PHKA1: variants seen among roughly 807,000 people sequenced by gnomAD.
The protein encoded by PHKA1 is phosphorylase kinase regulatory subunit alpha 1.
PHKA1 carries 60 observed loss-of-function variants against 110.2 expected under a neutral mutation model. The observed-to-expected ratio is 0.54, with a 90% CI of 0.44 to 0.68. PHKA1 has a LOEUF of 0.68. Ranked by LOEUF, PHKA1 falls within the 30% of genes least tolerant of loss-of-function variation. PHKA1 has a pLI of 0.00. For synonymous variants in PHKA1, 316 were observed against 333.6 expected, an observed-to-expected ratio of 0.95 and a Z score of 0.58; for missense variants, 801 against 942.5, an observed-to-expected ratio of 0.85 and a Z score of 1.97.
chrX:72,601,756 A>G (rs1373492631), intron 28 of PHKA1, among the ~76,000 whole-genome samples: 3 of 111,568 alleles, frequency 2.7e-5, no homozygotes, highest in African/African-American at 9.8e-5. Flanking sequence ...CATCAGTCCT[A>G]ATAAGAGAAA....
rs1321643883 is a variant in PHKA1 at position 72,708,292 on chromosome X, T to C, written c.238-3047A>G. On this transcript the variant is annotated intron_variant, in intron 2 of 31. Coordinates refer to ENST00000373542, the MANE Select transcript of PHKA1 (RefSeq NM_002637.4). ...TGTGAGAATAAAATACTGGTAATTATGGGGAAGTGTGTTGTACAATGGAAA... is the reference window on the plus strand; with the variant it reads ...TGTGAGAATAAAATACTGGTAATTACGGGGAAGTGTGTTGTACAATGGAAA... Among the ~76,000 whole-genome samples, 9 of 111,587 alleles carry C rather than the reference T, an allele frequency of 8.1e-5. No individual in the cohort carries two copies. In the South Asian group the frequency reaches 3.4e-3, roughly 42 times the overall value.
chrX:72,648,214 G>A (rs1186145362), intron 13 of PHKA1, among the ~76,000 whole-genome samples: 2 of 111,806 alleles, frequency 1.8e-5, no homozygotes, highest in Non-Finnish European at 3.8e-5. Flanking sequence ...TAAGTTTCTA[G>A]AGAATGCTGG....
chrX:72,591,570 A>C (rs1172448786), intron 29 of PHKA1, among the ~76,000 whole-genome samples: 1 of 111,712 alleles, frequency 9.0e-6, no homozygotes, highest in African/African-American at 3.3e-5. Flanking sequence ...TTAAAAAAAA[A>C]GAAAAAAAAA....
rs1299645841 is a variant in PHKA1, at chrX:72,578,996, G to A, written c.*2006C>T. 1 of 112,205 alleles carries A rather than the reference G, an allele frequency of 8.9e-6. No individual in the cohort carries two copies. The highest frequency in any genetic ancestry group is 3.2e-5 in the African/African-American group (1 of 30,896). The allele number at this position is 112,205 out of a possible 1,213,427, so 9.2% of individuals were successfully genotyped here. A position where few individuals can be genotyped will look rare whatever the true frequency, so the allele number is the denominator to read the frequency against. On this transcript the variant is annotated 3_prime_UTR_variant, in exon 32 of 32. Transcript: ENST00000373542. ...GTTGCTTTAAAAGTTAAATACCACTGTATGGGGACCATAATGACACAATTT... is the reference window on the plus strand; with the variant it reads ...GTTGCTTTAAAAGTTAAATACCACTATATGGGGACCATAATGACACAATTT...
chrX:72,656,085 A>G, intron 10 of PHKA1, 35 bp downstream of exon 10: 1 of 1,205,288 alleles, frequency 8.3e-7, no homozygotes, highest in Non-Finnish European at 1.1e-6. Flanking sequence ...TATAACAAAA[A>G]CATTCTGCTG....
chrX:72,589,011 C>T lies in PHKA1; in HGVS notation c.3243+4093G>A, dbSNP rs1207733246. Reference sequence around the variant, plus strand: ...ATTCTACCAGAGGTACAGAGAGGAGCTGGTACCATTCCTTCTGAAACTATT... The same window carrying T: ...ATTCTACCAGAGGTACAGAGAGGAGTTGGTACCATTCCTTCTGAAACTATT... On this transcript the variant is annotated intron_variant, in intron 29 of 31. Transcript: ENST00000373542. Among the ~76,000 whole-genome samples the T allele has an allele frequency of 3.6e-5, 4 of 111,836 alleles. No homozygotes were observed. The East Asian group carries it at 1.1e-3, about 31-fold the overall frequency.
intron 26 of PHKA1, 94 bp downstream of exon 26, chrX:72,603,024 GA>G: frequency 8.6e-6 from 5 of 582,169 alleles, no homozygotes; most frequent in Non-Finnish European, 5.8e-6. Flanking sequence ...TTTATTTGGG[GA>G]AAAAGGTTTC....
chrX:72,713,698 A>ACC (rs1556335812), intron 1 of PHKA1, 105 bp downstream of exon 1: 12 of 613,962 alleles, frequency 2.0e-5, no homozygotes, highest in African/African-American at 1.2e-4. Context: ...ACACACACAC[A>ACC]CACCCACACA....
rs1556302032 is a variant in PHKA1 at position 72,657,613 on chromosome X, C to T, written c.893G>A (p.Arg298Gln). 2 of 1,208,027 alleles carry T rather than the reference C, an allele frequency of 1.7e-6. No homozygotes were observed. The highest frequency in any genetic ancestry group is 2.2e-6 in the Non-Finnish European group (2 of 892,904). ...CTCTTTAGGAGTTTTATATCCATCT[C>T]GTAGAAAGCGACAGCAACCATAACG... is the stretch of plus-strand genomic sequence containing the variant. ...QGRYGCCRFL[R>Q]DGYKTPKEDP... The change falls in exon 9 of 32, where the codon CGA (arginine) becomes CAA (glutamine). Residue 298 changes from arginine to glutamine, a missense_variant. Around this residue, in one of 2 missense-constraint regions of PHKA1, gnomAD observed 299 missense variants for 423.3 expected, o/e 0.71. Transcript: ENST00000373542.
In PHKA1 at chrX:72,619,256, T is replaced by C; in HGVS notation, c.2187A>G (p.Ser729=). The change falls in exon 20 of 32, where the codon TCA becomes TCG. Residue 729 remains serine, a synonymous_variant. Coordinates refer to ENST00000373542, the MANE Select transcript of PHKA1 (RefSeq NM_002637.4). ...GATGAGGTGAATCAAGTAAGTTGAA[T>C]GAAGGCCGGGAAGCCTGAAATAACT... The part of the protein sequence containing the change: ...PTKLFQASRP[S]FNLLDSPHPR... The C allele has an allele frequency of 8.3e-7, 1 of 1,197,951 alleles. No individual in the cohort carries two copies. Among genetic ancestry groups the C allele is most frequent in the Middle Eastern group, 2.3e-4 (1 of 4,323 alleles).
intron 2 of PHKA1, among the ~76,000 whole-genome samples, chrX:72,711,009 C>T (rs2054371652): frequency 9.4e-6 from 1 of 106,323 alleles, no homozygotes; most frequent in African/African-American, 3.4e-5. Context: ...CTACAGGCGC[C>T]CGCTACCACG....
At chrX:72,713,425 G>A (rs2054413266) in intron 1 of PHKA1, among the ~76,000 whole-genome samples, 1 of 110,989 alleles carries the variant, frequency 9.0e-6, no homozygotes, top group African/African-American at 3.3e-5. Flanking sequence ...AGGGGTAAGC[G>A]GTGGCTGAAG....
chrX:72,710,227 A>C (rs1325675339), intron 2 of PHKA1, among the ~76,000 whole-genome samples: 1 of 111,725 alleles, frequency 9.0e-6, no homozygotes, highest in African/African-American at 3.3e-5. Flanking sequence ...GTGCAGGTCC[A>C]CTTATATGTG....
intron 4 of PHKA1, among the ~76,000 whole-genome samples, chrX:72,685,732 G>C (rs1252215841): frequency 8.9e-6 from 1 of 111,942 alleles, no homozygotes; most frequent in Admixed American, 9.5e-5. Flanking sequence ...AATCATTTCA[G>C]AATTTAAAAA....
intron 26 of PHKA1, among the ~76,000 whole-genome samples, chrX:72,602,739 T>C (rs1482834758): frequency 8.9e-6 from 1 of 112,041 alleles, no homozygotes; most frequent in East Asian, 2.8e-4. Flanking sequence ...AGGGTTACAT[T>C]AGAAGTACTG....
At chrX:72,652,507 C>T (rs1276022079) in intron 12 of PHKA1, 37 bp downstream of exon 12, 17 of 760,299 alleles carry the variant, frequency 2.2e-5, no homozygotes, top group Non-Finnish European at 2.9e-5. Flanking sequence ...TGACTTAAGG[C>T]AGAAAAAAGT....
chrX:72,611,838 C>T (rs933724472), intron 21 of PHKA1, among the ~76,000 whole-genome samples: 12 of 111,677 alleles, frequency 1.1e-4, no homozygotes, highest in African/African-American at 3.9e-4. Flanking sequence ...TGCTGCTGAT[C>T]GGAATAAAAA....
intron 2 of PHKA1, among the ~76,000 whole-genome samples, chrX:72,708,405 G>T (rs1190290928): frequency 1.8e-5 from 2 of 111,221 alleles, no homozygotes; most frequent in Non-Finnish European, 3.8e-5. Flanking sequence ...GTATAATGGA[G>T]GGCACCAGCG....
intron 5 of PHKA1, among the ~76,000 whole-genome samples, chrX:72,676,444 A>G (rs1603268981): frequency 8.9e-6 from 1 of 111,735 alleles, no homozygotes; most frequent in African/African-American, 3.3e-5. Context: ...GTGTTTCTCA[A>G]AATTTTTCAT....
Sources: allele counts gnomAD v4.1 joint callset (sites outside exome capture counted in the v4.1 genomes callset), GRCh38; gene constraint gnomAD v4.1.1; regional missense constraint gnomAD v4.1.1; transcripts MANE v1.5; gene names NCBI Gene and HGNC (gene_info 2026-07-23, HGNC 2026-07-21).